Variants in BAZ2B observed in about 807,000 individuals in gnomAD.
The protein encoded by BAZ2B is bromodomain adjacent to zinc finger domain 2B.
In BAZ2B, 91 loss-of-function variants were observed where a neutral mutation model predicts 246.0. That is an observed-to-expected ratio of 0.37 (90% CI 0.31 to 0.44). The LOEUF (loss-of-function observed/expected upper bound fraction) is 0.44, where lower values mean the gene tolerates loss of function less well. Among genes scored for constraint, BAZ2B ranks in the 20% least tolerant of loss-of-function variants. The probability of loss-of-function intolerance (pLI) is 1.00; values close to 1 mark genes in which losing one functional copy is unlikely to be tolerated. For missense variants in BAZ2B, 2,332 were observed against 2,533.7 expected (o/e 0.92, Z 1.71); for synonymous variants, 855 against 860.0 (o/e 0.99, Z 0.10).
At chr2:159,337,170 CA>C in intron 32 of BAZ2B, 93 bp from the exon 33 acceptor site, 4 of 1,437,946 alleles carry the variant, frequency 2.8e-6, no homozygotes, top group Non-Finnish European at 3.8e-6. Flanking sequence ...CAAGCAATGA[CA>C]AAAACATGTA....
chr2:159,622,074 C>A, the BAZ2B span, among the ~76,000 whole-genome samples: 76 of 151,668 alleles, frequency 5.0e-4, no homozygotes, highest in African/African-American at 1.8e-3. Context: ...CCATTGCACT[C>A]CAGCCTGGGC....
intron 1 of BAZ2B, among the ~76,000 whole-genome samples, chr2:159,595,476 C>T (rs1690472173): frequency 1.3e-5 from 2 of 152,024 alleles, no homozygotes; most frequent in Admixed American, 6.6e-5. Flanking sequence ...CTTTAAGAGG[C>T]GAAAAAGAGG....
chr2:159,467,393 T>C (rs536217075), intron 3 of BAZ2B, among the ~76,000 whole-genome samples: 10 of 152,334 alleles, frequency 6.6e-5, no homozygotes, highest in East Asian at 1.9e-4. Flanking sequence ...TCTCCTCTTC[T>C]GGTTCTGCCT....
chr2:159,690,430 T>G, the BAZ2B span: 4 of 158,296 alleles, frequency 2.5e-5, no homozygotes, highest in Non-Finnish European at 5.5e-5. Context: ...TGGTTACATT[T>G]ATTCCTAAGT....
At chr2:159,383,753 AACTTGAT>A in intron 23 of BAZ2B, 73 bp from the exon 24 acceptor site, 1 of 1,274,462 alleles carries the variant, frequency 7.8e-7, no homozygotes, top group Non-Finnish European at 1.1e-6. Context: ...ATATGCAATA[AACTTGAT>A]ACGTAAATTA....
At chr2:159,692,479 C>T in the BAZ2B span, among the ~76,000 whole-genome samples, 6 of 152,012 alleles carry the variant, frequency 3.9e-5, no homozygotes, top group Non-Finnish European at 4.4e-5. Flanking sequence ...TTCAATATTT[C>T]TAGGCTATGT....
chr2:159,684,078 C>G, the BAZ2B span, among the ~76,000 whole-genome samples: 2 of 152,166 alleles, frequency 1.3e-5, no homozygotes, highest in Admixed American at 1.3e-4. Context: ...CAGTAAGGAG[C>G]CTTTTGAGTC....
chr2:159,625,054 T>C, the BAZ2B span, among the ~76,000 whole-genome samples: 3 of 151,748 alleles, frequency 2.0e-5, no homozygotes, highest in South Asian at 4.2e-4. Flanking sequence ...AATAGCTGAA[T>C]TGATCAAGCA....
rs376061182 is a variant in BAZ2B, at chr2:159,354,615, T to C, written c.4214-4258A>G. Among the ~76,000 whole-genome samples the C allele has an allele frequency of 7.7e-4, 118 of 152,296 alleles. No individual in the cohort carries two copies. The East Asian group carries it at 0.019, about 25-fold the overall frequency. On this transcript the variant is annotated intron_variant, in intron 27 of 36. Transcript: ENST00000392783. ...ATCCGCATGCCTCAGCCTCCCAAAG[T>C]GCTGGGATTACAGGTGTGAGCCACC...
rs1025851564 is a variant in BAZ2B at position 159,337,652 on chromosome 2, C to T, written c.5575G>A (p.Ala1859Thr). ...GEFTGEDESS[A>T]HALERKSDNP... ...TCACTCTTCCGTTCTAGTGCATGTG[C>T]ACTGCTTTCGTCTTCGCCAGTAAAT... The change falls in exon 32 of 37, where the codon GCA becomes ACA. Residue 1859 changes from alanine (A) to threonine (T), a missense_variant. Coordinates refer to ENST00000392783, the MANE Select transcript of BAZ2B (RefSeq NM_013450.4). 2 of 1,614,076 alleles carry T rather than the reference C, an allele frequency of 1.2e-6. No homozygotes were observed. Among genetic ancestry groups the T allele is most frequent in the Non-Finnish European group, 1.7e-6 (2 of 1,180,022 alleles).
At chr2:159,608,551 G>A (rs555379220) in intron 1 of BAZ2B, among the ~76,000 whole-genome samples, 3 of 152,284 alleles carry the variant, frequency 2.0e-5, no homozygotes, top group Non-Finnish European at 4.4e-5. Context: ...GGGAAAACCA[G>A]ATTTGTTTGA....
At chr2:159,515,018 T>C (rs892728436) in intron 2 of BAZ2B, among the ~76,000 whole-genome samples, 1 of 152,038 alleles carries the variant, frequency 6.6e-6, no homozygotes, top group African/African-American at 2.4e-5. Context: ...ACCTTAATTC[T>C]TTCAACAAAA....
chr2:159,476,206 G>A (rs553670724), intron 3 of BAZ2B, among the ~76,000 whole-genome samples: 1 of 152,162 alleles, frequency 6.6e-6, no homozygotes, highest in East Asian at 1.9e-4. Flanking sequence ...GCCCCTGACT[G>A]GGGCTGCTGT....
intron 1 of BAZ2B, among the ~76,000 whole-genome samples, chr2:159,565,701 C>T (rs35698743): frequency 0.12 from 17,922 of 149,166 alleles, 1,233 homozygotes; most frequent in Middle Eastern, 0.22. Context: ...CGCTTGAATC[C>T]GGGAGGGCGA....
At chr2:159,384,602 G>C (rs1038928883) in intron 23 of BAZ2B, among the ~76,000 whole-genome samples, 9 of 152,036 alleles carry the variant, frequency 5.9e-5, no homozygotes, top group African/African-American at 2.2e-4. Context: ...GTTGGTATTA[G>C]TATTTTACTA....
chr2:159,649,012 T>C, the BAZ2B span, among the ~76,000 whole-genome samples: 1 of 152,196 alleles, frequency 6.6e-6, no homozygotes, highest in African/African-American at 2.4e-5. Context: ...ATTTTAGTCA[T>C]TCTAATAGGT....
Position 159,430,873 on chromosome 2 carries a change from G to A in BAZ2B, c.2184C>T (p.Ser728=). Residue 728 remains serine, a synonymous_variant, in exon 10 of 37, where the codon AGC becomes AGT. Transcript: ENST00000392783. Reference sequence around the variant, plus strand: ...ATAAAGTGTAGGTACCAGAGTGTGGGCTTGAAGTAAGTGTGGAAGAAGATG... The same window carrying A: ...ATAAAGTGTAGGTACCAGAGTGTGGACTTGAAGTAAGTGTGGAAGAAGATG... ...LGTSSSTLTS[S]PHSGTSKRRR... The A allele has an allele frequency of 6.2e-7, 1 of 1,613,452 alleles. No individual in the cohort carries two copies. Among genetic ancestry groups the A allele is most frequent in the South Asian group, 1.1e-5 (1 of 90,968 alleles).
At position 159,473,416 on chromosome 2, in the gene BAZ2B, C is replaced by G. The variant is rs556359847; in HGVS notation, c.145+5159G>C. 4.6e-5 allele frequency among the ~76,000 whole-genome samples: 7 copies of G among 152,212 alleles called. No homozygotes were observed. In the South Asian group the frequency reaches 1.5e-3, roughly 32 times the overall value. ...ATTTCTGTGGGATCAGTGGTGATATCCACTTTATCATTTTTATTGCATCTA... is the reference window on the plus strand; with the variant it reads ...ATTTCTGTGGGATCAGTGGTGATATGCACTTTATCATTTTTATTGCATCTA... On this transcript the variant is annotated intron_variant, in intron 3 of 36. Transcript: ENST00000392783.
At chr2:159,590,689 G>A (rs1464586244) in intron 1 of BAZ2B, among the ~76,000 whole-genome samples, 4 of 152,088 alleles carry the variant, frequency 2.6e-5, no homozygotes, top group African/African-American at 9.7e-5. Context: ...TTAACTCAGG[G>A]TCCTAAAGCA....
Sources: allele counts gnomAD v4.1 joint callset (sites outside exome capture counted in the v4.1 genomes callset), GRCh38; gene constraint gnomAD v4.1.1; transcripts MANE v1.5; gene names NCBI Gene and HGNC (gene_info 2026-07-23, HGNC 2026-07-21).